The following KCNH7 variants were observed in gnomAD, a reference collection of about 807,000 sequenced individuals.
KCNH7 encodes potassium voltage-gated channel subfamily H member 7, also known as voltage-gated inwardly rectifying potassium channel KCNH7.
A neutral mutation model predicts 120.8 loss-of-function variants in KCNH7; 49 were observed. The observed-to-expected ratio is 0.41, with a 90% CI of 0.32 to 0.51. KCNH7 has a LOEUF of 0.51. KCNH7 is among the 20% of genes least tolerant of loss of function. The pLI, the probability that KCNH7 is intolerant of heterozygous loss-of-function variation, is 0.38. For synonymous variants in KCNH7, 547 were observed against 516.1 expected, an observed-to-expected ratio of 1.06 and a Z score of -0.81; for missense variants, 1,097 against 1,446.6, an observed-to-expected ratio of 0.76 and a Z score of 3.92.
intron 2 of KCNH7, among the ~76,000 whole-genome samples, chr2:162,744,930 A>T (rs1688265562): frequency 6.6e-6 from 1 of 152,184 alleles, no homozygotes; most frequent in Non-Finnish European, 1.5e-5. Flanking sequence ...TTGGTGTGTC[A>T]GTCCTGCTGA....
intron 2 of KCNH7, among the ~76,000 whole-genome samples, chr2:162,832,023 A>G (rs2105619126): frequency 6.6e-6 from 1 of 152,308 alleles, no homozygotes; most frequent in Admixed American, 6.5e-5. Flanking sequence ...CAACTGATCA[A>G]ATTTGAATTC....
rs115360947 is a variant in KCNH7, at chr2:162,465,050, G to A, written c.1129-18607C>T. 3.4e-3 allele frequency among the ~76,000 whole-genome samples: 522 copies of A among 152,228 alleles called. 3 individuals are homozygous for A. Among genetic ancestry groups the A allele is most frequent in the African/African-American group, 0.012 (501 of 41,556 alleles). ...GAGATAAAACATCAGAAAGGGGAAA[G>A]TCTAGGAATAAAAGGCAATAATTTT... On this transcript the variant is annotated intron_variant, in intron 6 of 15. Transcript: ENST00000332142.
chr2:162,379,790 A>G, intron 14 of KCNH7, 63 bp downstream of exon 14: 1 of 1,495,804 alleles, frequency 6.7e-7, no homozygotes, highest in Non-Finnish European at 9.1e-7. Flanking sequence ...ATTTGTAAGG[A>G]GTAAAACTGG....
At chr2:162,574,196 T>G (rs1313033030) in intron 2 of KCNH7, among the ~76,000 whole-genome samples, 1 of 152,040 alleles carries the variant, frequency 6.6e-6, no homozygotes. Context: ...GCAAAGTACA[T>G]ACTGTGCACT....
chr2:162,500,944 A>T (rs917282555), intron 6 of KCNH7, among the ~76,000 whole-genome samples: 1 of 152,132 alleles, frequency 6.6e-6, no homozygotes, highest in African/African-American at 2.4e-5. Context: ...AGCTGCAATT[A>T]GGAAACTTCA....
intron 9 of KCNH7, among the ~76,000 whole-genome samples, chr2:162,406,237 G>T (rs962069654): frequency 6.6e-6 from 1 of 151,722 alleles, no homozygotes; most frequent in Non-Finnish European, 1.5e-5. Flanking sequence ...GTCTCTCCAG[G>T]CTCCTTCCGT....
intron 2 of KCNH7, among the ~76,000 whole-genome samples, chr2:162,770,555 TCTTTGAGATAACGG>T (rs1416123579): frequency 2.0e-5 from 3 of 152,010 alleles, no homozygotes; most frequent in East Asian, 1.9e-4. Context: ...GATACTAACG[TCTTTGAGATAACGG>T]CTTTGAGAAA....
At chr2:162,640,905 A>G (rs1338406235) in intron 2 of KCNH7, among the ~76,000 whole-genome samples, 6 of 152,180 alleles carry the variant, frequency 3.9e-5, no homozygotes, top group African/African-American at 1.4e-4. Context: ...CTATATTCAG[A>G]TGGCAAATAA....
At chr2:162,425,263 A>G (rs1046906270) in intron 8 of KCNH7, among the ~76,000 whole-genome samples, 1 of 151,972 alleles carries the variant, frequency 6.6e-6, no homozygotes, top group African/African-American at 2.4e-5. Context: ...AAATCTCTTT[A>G]TATCTTTATC....
intron 2 of KCNH7, among the ~76,000 whole-genome samples, chr2:162,563,552 C>T (rs768462472): frequency 3.9e-5 from 6 of 152,002 alleles, no homozygotes; most frequent in Non-Finnish European, 7.4e-5. Flanking sequence ...ATAAAGAATG[C>T]CTTTGCAAAT....
At chr2:162,645,348 A>G (rs1251824748) in intron 2 of KCNH7, among the ~76,000 whole-genome samples, 1 of 152,074 alleles carries the variant, frequency 6.6e-6, no homozygotes, top group Non-Finnish European at 1.5e-5. Context: ...GAATTTCACT[A>G]TCTTGGCCAG....
At position 162,517,800 on chromosome 2, in the gene KCNH7, A is replaced by C; in HGVS notation, c.822T>G (p.Ser274=). Residue 274 remains serine (S), a synonymous_variant, in exon 4 of 16, where the codon TCT becomes TCG. Coordinates refer to ENST00000332142, the MANE Select transcript of KCNH7 (RefSeq NM_033272.4). The part of the protein sequence containing the change: ...RESLCSIRRA[S]SVHDIEGFGV... Reference sequence around the variant, plus strand: ...CGAATCCTTCTATATCATGGACCGAAGATGCTCTCCGTATACTACATAAGC... The same window carrying C: ...CGAATCCTTCTATATCATGGACCGACGATGCTCTCCGTATACTACATAAGC... 1.9e-6 allele frequency: 3 copies of C among 1,606,658 alleles called. No homozygotes were observed. The highest frequency in any genetic ancestry group is 2.6e-6 in the Non-Finnish European group (3 of 1,174,074).
chr2:162,636,509 T>G (rs1326696539), intron 2 of KCNH7, among the ~76,000 whole-genome samples: 2 of 152,138 alleles, frequency 1.3e-5, no homozygotes, highest in African/African-American at 4.8e-5. Context: ...ACTGTCTAGA[T>G]AAAATTTTCT....
intron 2 of KCNH7, among the ~76,000 whole-genome samples, chr2:162,794,284 A>G (rs1559137402): frequency 1.3e-5 from 2 of 151,984 alleles, no homozygotes; most frequent in Non-Finnish European, 2.9e-5. Flanking sequence ...GGAAAAGGAA[A>G]GGGAAAGAGG....
chr2:162,595,125 A>C (rs1285412721), intron 2 of KCNH7, among the ~76,000 whole-genome samples: 1 of 152,080 alleles, frequency 6.6e-6, no homozygotes, highest in Non-Finnish European at 1.5e-5. Flanking sequence ...TATTTGATTC[A>C]TAATGAAAGA....
At chr2:162,625,648 A>G (rs1195676294) in intron 2 of KCNH7, among the ~76,000 whole-genome samples, 1 of 152,120 alleles carries the variant, frequency 6.6e-6, no homozygotes, top group Non-Finnish European at 1.5e-5. Flanking sequence ...TCACAACTCC[A>G]CCTCACCTCA....
chr2:162,434,430 A>C (rs1688172835), intron 8 of KCNH7, among the ~76,000 whole-genome samples: 1 of 152,142 alleles, frequency 6.6e-6, no homozygotes, highest in Non-Finnish European at 1.5e-5. Flanking sequence ...ATGAAAACAA[A>C]AATCCATCAT....
intron 2 of KCNH7, among the ~76,000 whole-genome samples, chr2:162,802,898 G>A (rs139825055): frequency 1.3e-4 from 19 of 151,682 alleles, no homozygotes; most frequent in African/African-American, 3.9e-4. Flanking sequence ...TTTTAATTTA[G>A]ATAATAGAAA....
chr2:162,657,848 G>A (rs1463265757), intron 2 of KCNH7, among the ~76,000 whole-genome samples: 3 of 150,238 alleles, frequency 2.0e-5, no homozygotes, highest in Non-Finnish European at 4.4e-5. Flanking sequence ...AATATAAAAG[G>A]CAAACTATAA....
Sources: allele counts gnomAD v4.1 joint callset (sites outside exome capture counted in the v4.1 genomes callset), GRCh38; gene constraint gnomAD v4.1.1; transcripts MANE v1.5; gene names NCBI Gene and HGNC (gene_info 2026-07-23, HGNC 2026-07-21).